The following EED variants were observed in gnomAD, a reference collection of about 807,000 sequenced individuals.
EED encodes embryonic ectoderm development.
Under a neutral mutation model 61.0 loss-of-function variants are expected in EED, and 9 were observed. The ratio of observed to expected loss-of-function variants is 0.15; its 90% CI spans 0.09 to 0.26. The LOEUF (loss-of-function observed/expected upper bound fraction) is 0.26. EED is among the 10% of genes least tolerant of loss of function. EED has a pLI of 1.00. For missense variants in EED, 315 were observed against 542.3 expected (o/e 0.58, Z 4.16); for synonymous variants, 187 against 174.4 (o/e 1.07, Z -0.57).
At chr11:86,275,447 A>T (rs924513340) in intron 9 of EED, among the ~76,000 whole-genome samples, 2 of 152,214 alleles carry the variant, frequency 1.3e-5, no homozygotes, top group African/African-American at 4.8e-5. Flanking sequence ...GATTTCCTAG[A>T]CCTCACCTTC....
chr11:86,244,766 T>C lies in EED; in HGVS notation c.-464T>C. The stretch of plus-strand genomic sequence containing the variant: ...GTGGTGTAGCCCATTCCACAGACTT[T>C]CGCTCCCTAGCAGCGGGTCGGAGAT... On this transcript the variant is annotated 5_prime_UTR_variant, in exon 1 of 12. Coordinates refer to ENST00000263360, the MANE Select transcript of EED (RefSeq NM_003797.5). 4.3e-6 allele frequency: 1 copy of C among 233,210 alleles called. No individual in the cohort carries two copies. Among genetic ancestry groups the C allele is most frequent in the East Asian group, 6.2e-5 (1 of 16,086 alleles). 14.4% of individuals were successfully genotyped at this position (233,210 alleles called of 1,614,324 possible).
intron 1 of EED, among the ~76,000 whole-genome samples, chr11:86,249,546 C>T (rs920505791): frequency 1.3e-5 from 2 of 152,096 alleles, no homozygotes; most frequent in African/African-American, 4.8e-5. Flanking sequence ...GAGGGCCACT[C>T]GTGTGTGAGA....
In EED at chr11:86,264,283, G is replaced by T. The variant is rs763881681; in HGVS notation, c.726+20G>T. On this transcript the variant is annotated intron_variant, in intron 7 of 11. Coordinates refer to ENST00000263360, the MANE Select transcript of EED (RefSeq NM_003797.5). ...AGTGCTGTAAGTTGGAAACTGCAGGGCAATGACTTTCAGGTTTACATAGCT... is the reference window on the plus strand; with the variant it reads ...AGTGCTGTAAGTTGGAAACTGCAGGTCAATGACTTTCAGGTTTACATAGCT... 1.9e-6 allele frequency: 3 copies of T among 1,578,598 alleles called. No individual in the cohort carries two copies.
chr11:86,245,002 C>T lies in EED; in HGVS notation c.-228C>T, dbSNP rs543122902. The stretch of plus-strand genomic sequence containing the variant: ...ACGGGAGTTGGGGAAGGGAAGGAGC[C>T]AGGAAGCCGCGCGGGAGGGCGCGCG... On this transcript the variant is annotated 5_prime_UTR_variant, in exon 1 of 12. Coordinates refer to ENST00000263360, the MANE Select transcript of EED (RefSeq NM_003797.5). 20 of 451,926 alleles carry T rather than the reference C, an allele frequency of 4.4e-5. No individual in the cohort carries two copies. The highest frequency in any genetic ancestry group is 4.0e-4 in the African/African-American group (19 of 47,914). The allele number at this position is 451,926 out of a possible 1,614,324, so 28.0% of individuals were successfully genotyped here.
intron 10 of EED, 183 bp from the exon 11 acceptor site, chr11:86,277,735 G>A: frequency 2.5e-6 from 1 of 400,630 alleles, no homozygotes; most frequent in Non-Finnish European, 4.2e-6. Flanking sequence ...AGACACTTGT[G>A]ATGTATTAAT....
chr11:86,274,698 T>C (rs1248870169), intron 9 of EED, among the ~76,000 whole-genome samples: 2 of 152,082 alleles, frequency 1.3e-5, no homozygotes. Flanking sequence ...CTGCCCCCCC[T>C]AGTGGTCTCC....
chr11:86,272,631 C>T (rs1209202305), intron 9 of EED, among the ~76,000 whole-genome samples: 1 of 152,260 alleles, frequency 6.6e-6, no homozygotes, highest in Admixed American at 6.5e-5. Context: ...TTCTCTTTCT[C>T]CTTTCAGTTC....
the EED span, among the ~76,000 whole-genome samples, chr11:86,287,405 T>C: frequency 3.9e-5 from 6 of 152,374 alleles, no homozygotes; most frequent in South Asian, 2.1e-4. Flanking sequence ...GGTGGATTTC[T>C]ACAAAGATTC....
intron 9 of EED, chr11:86,276,164 C>T (rs931048315): frequency 2.6e-5 from 4 of 152,202 alleles, no homozygotes; most frequent in Non-Finnish European, 5.9e-5. Context: ...AGCACAGACA[C>T]ATTGTCAAAT....
chr11:86,277,190 G>T, intron 10 of EED, 52 bp downstream of exon 10: 2 of 1,461,734 alleles, frequency 1.4e-6, no homozygotes, highest in South Asian at 1.4e-5. Flanking sequence ...AAAGACCATT[G>T]TAATTCTAGC....
At chr11:86,262,841 G>T (rs1170830792) in intron 6 of EED, among the ~76,000 whole-genome samples, 2 of 148,382 alleles carry the variant, frequency 1.3e-5, no homozygotes, top group Non-Finnish European at 1.5e-5. Flanking sequence ...TAAAGACAGG[G>T]TTGGTCTCTG....
intron 4 of EED, among the ~76,000 whole-genome samples, chr11:86,255,586 T>C (rs1362758528): frequency 1.3e-5 from 2 of 152,142 alleles, no homozygotes; most frequent in African/African-American, 4.8e-5. Flanking sequence ...ATAGAAAATA[T>C]TAGCAAAGAC....
At chr11:86,278,319 A>G in intron 11 of EED, 80 bp from the exon 12 acceptor site, 1 of 1,525,000 alleles carries the variant, frequency 6.6e-7, no homozygotes, top group Non-Finnish European at 8.8e-7. Flanking sequence ...ACATCTGCTT[A>G]TTTTCTAATC....
chr11:86,258,638 C>A (rs1945745682), intron 6 of EED, among the ~76,000 whole-genome samples: 1 of 151,108 alleles, frequency 6.6e-6, no homozygotes, highest in Non-Finnish European at 1.5e-5. Context: ...TGACTGCAAC[C>A]TCTGCCTCCC....
At chr11:86,262,225 G>A (rs1945851155) in intron 6 of EED, among the ~76,000 whole-genome samples, 1 of 151,744 alleles carries the variant, frequency 6.6e-6, no homozygotes, top group South Asian at 2.1e-4. Context: ...GTTTATAAAT[G>A]TTTCTGTTTT....
intron 6 of EED, among the ~76,000 whole-genome samples, chr11:86,263,711 G>A (rs982655034): frequency 1.3e-5 from 2 of 152,116 alleles, no homozygotes; most frequent in African/African-American, 4.8e-5. Flanking sequence ...AAATTTATTT[G>A]GCTCCTGTTT....
At chr11:86,258,585 C>T (rs1409750986) in intron 6 of EED, among the ~76,000 whole-genome samples, 7 of 115,412 alleles carry the variant, frequency 6.1e-5, no homozygotes, top group Admixed American at 3.3e-4. Context: ...GACAAAGTTT[C>T]GCTCTTGTTG....
intron 6 of EED, among the ~76,000 whole-genome samples, chr11:86,258,176 AT>A (rs1945725521): frequency 6.6e-6 from 1 of 152,186 alleles, no homozygotes; most frequent in Non-Finnish European, 1.5e-5. Flanking sequence ...AAAAAAGGTT[AT>A]AACAGTACAT....
downstream of EED, among the ~76,000 whole-genome samples, chr11:86,280,423 A>G (rs886690988): frequency 6.6e-5 from 10 of 152,214 alleles, no homozygotes; most frequent in African/African-American, 2.2e-4. Flanking sequence ...TCCCTGAAAT[A>G]CTAAGGAAGT....
Sources: gnomAD v4.1 joint callset for allele counts (sites outside exome capture counted in the v4.1 genomes callset) on GRCh38, gnomAD v4.1.1 for gene constraint, MANE v1.5 for transcripts, NCBI Gene and HGNC (gene_info 2026-07-23, HGNC 2026-07-21) for gene names.